The following DCDC2 variants were observed in gnomAD, a reference collection of about 807,000 sequenced individuals.
The protein encoded by DCDC2 is doublecortin domain-containing protein 2.
DCDC2 carries 40 observed loss-of-function variants against 50.2 expected under a neutral mutation model. The ratio of observed to expected loss-of-function variants is 0.80; its 90% confidence interval spans 0.62 to 1.04. The LOEUF (loss-of-function observed/expected upper bound fraction) is 1.04. Ranked by LOEUF, DCDC2 falls within the 50% of genes least tolerant of loss-of-function variation. DCDC2 has a pLI of 0.00. For synonymous variants in DCDC2, 234 were observed against 210.6 expected (o/e 1.11, Z -0.96); for missense variants, 570 against 581.9 (o/e 0.98, Z 0.21).
intron 7 of DCDC2, among the ~76,000 whole-genome samples, chr6:24,216,411 G>A (rs916741256): frequency 1.2e-4 from 18 of 152,128 alleles, no homozygotes; most frequent in South Asian, 2.1e-4. Flanking sequence ...AAAGTGTCCC[G>A]CCATTTGGGG....
At chr6:24,377,442 C>G in the DCDC2 span, among the ~76,000 whole-genome samples, 1 of 152,080 alleles carries the variant, frequency 6.6e-6, no homozygotes, top group East Asian at 1.9e-4. Context: ...ACTATTTAAG[C>G]CTTTTAACTA....
At chr6:24,211,047 T>C (rs1412886298) in intron 7 of DCDC2, among the ~76,000 whole-genome samples, 1 of 152,224 alleles carries the variant, frequency 6.6e-6, no homozygotes, top group African/African-American at 2.4e-5. Context: ...CACTCATTCA[T>C]TCATAGTGCC....
chr6:24,246,758 A>T (rs185633912), intron 7 of DCDC2, among the ~76,000 whole-genome samples: 35 of 152,218 alleles, frequency 2.3e-4, no homozygotes, highest in African/African-American at 7.7e-4. Flanking sequence ...AAGTGCTGGG[A>T]TTACAGGCAT....
intron 7 of DCDC2, among the ~76,000 whole-genome samples, chr6:24,235,066 C>T (rs1259551761): frequency 6.6e-6 from 1 of 152,124 alleles, no homozygotes; most frequent in Non-Finnish European, 1.5e-5. Flanking sequence ...TATGATTTGA[C>T]AGCTGGTCAT....
intron 2 of DCDC2, among the ~76,000 whole-genome samples, chr6:24,303,916 G>A (rs1759425589): frequency 6.6e-6 from 1 of 152,126 alleles, no homozygotes; most frequent in African/African-American, 2.4e-5. Context: ...AAATCAAATA[G>A]TAGCCCTAGA....
At chr6:24,258,688 G>C (rs373985357) in intron 7 of DCDC2, among the ~76,000 whole-genome samples, 2 of 152,098 alleles carry the variant, frequency 1.3e-5, no homozygotes, top group African/African-American at 2.4e-5. Context: ...ATTTAAAATA[G>C]AGCCAAGTAG....
chr6:24,283,218 A>C (rs1348877034), intron 6 of DCDC2, among the ~76,000 whole-genome samples: 1 of 152,214 alleles, frequency 6.6e-6, no homozygotes, highest in Non-Finnish European at 1.5e-5. Context: ...CAGCGAATTT[A>C]AGATAATTTA....
At chr6:24,199,417 G>T (rs920225505) in intron 8 of DCDC2, among the ~76,000 whole-genome samples, 4 of 152,176 alleles carry the variant, frequency 2.6e-5, no homozygotes, top group Non-Finnish European at 5.9e-5. Flanking sequence ...TGCAGCAGAG[G>T]GGCCTGACTG....
At chr6:24,275,992 C>T (rs1430926529) in intron 7 of DCDC2, among the ~76,000 whole-genome samples, 1 of 150,512 alleles carries the variant, frequency 6.6e-6, no homozygotes, top group Non-Finnish European at 1.5e-5. Context: ...ACCTTAGCCT[C>T]TCAAGTAGCT....
intron 8 of DCDC2, among the ~76,000 whole-genome samples, chr6:24,199,987 C>A (rs983520320): frequency 6.6e-6 from 1 of 152,030 alleles, no homozygotes. Context: ...AGGAACAAAG[C>A]CTCCAGAAAA....
At chr6:24,292,413 T>C (rs1763771638) in intron 4 of DCDC2, among the ~76,000 whole-genome samples, 1 of 151,940 alleles carries the variant, frequency 6.6e-6, no homozygotes, top group Non-Finnish European at 1.5e-5. Flanking sequence ...TACAGAACCA[T>C]GAAATACAAT....
intron 8 of DCDC2, among the ~76,000 whole-genome samples, chr6:24,192,946 C>G (rs1761345008): frequency 6.6e-6 from 1 of 151,902 alleles, no homozygotes; most frequent in Admixed American, 6.6e-5. Context: ...TACCAAGACA[C>G]ATAATTGGAA....
At chr6:24,245,136 G>A (rs1762642586) in intron 7 of DCDC2, among the ~76,000 whole-genome samples, 1 of 152,236 alleles carries the variant, frequency 6.6e-6, no homozygotes, top group Non-Finnish European at 1.5e-5. Context: ...AGAGGTTGCA[G>A]TGAGCTGAGA....
At chr6:24,283,498 A>G (rs986432699) in intron 6 of DCDC2, among the ~76,000 whole-genome samples, 1 of 152,176 alleles carries the variant, frequency 6.6e-6, no homozygotes, top group African/African-American at 2.4e-5. Flanking sequence ...CAAAAGAGCA[A>G]TTCCTAGAAA....
rs1473861741 is a variant in DCDC2, at chr6:24,246,153, A to C, written c.922+31896T>G. Among the ~76,000 whole-genome samples, 2 of 152,132 alleles carry C rather than the reference A, an allele frequency of 1.3e-5. 1 individual carries two copies. Among genetic ancestry groups the C allele is most frequent in the Non-Finnish European group, 2.9e-5 (2 of 68,018 alleles). ...GAGGATACATTTAAGAAAATCACCA[A>C]AAGGCAACAGACAAAAGAGATAAAA... On this transcript the variant is annotated intron_variant, in intron 7 of 9. Transcript: ENST00000378454.
chr6:24,297,671 T>C (rs1227885042), intron 4 of DCDC2, among the ~76,000 whole-genome samples: 2 of 152,158 alleles, frequency 1.3e-5, no homozygotes, highest in Admixed American at 6.5e-5. Flanking sequence ...TGGATTTACA[T>C]TTATGTATAT....
intron 7 of DCDC2, among the ~76,000 whole-genome samples, chr6:24,230,727 A>G (rs568069639): frequency 1.3e-5 from 2 of 152,328 alleles, no homozygotes; most frequent in East Asian, 1.9e-4. Context: ...AGACAGAGGG[A>G]ATGCCAGTGC....
At chr6:24,259,051 C>T (rs1254867016) in intron 7 of DCDC2, among the ~76,000 whole-genome samples, 1 of 152,082 alleles carries the variant, frequency 6.6e-6, no homozygotes, top group Non-Finnish European at 1.5e-5. Context: ...ATATTATGAA[C>T]TCCTCTCCTC....
At chr6:24,237,149 C>T (rs1162416987) in intron 7 of DCDC2, among the ~76,000 whole-genome samples, 1 of 151,430 alleles carries the variant, frequency 6.6e-6, no homozygotes, top group Non-Finnish European at 1.5e-5. Flanking sequence ...AATGAGATAA[C>T]TGTCTCACTC....
Sources: allele counts gnomAD v4.1 joint callset (sites outside exome capture counted in the v4.1 genomes callset), GRCh38; gene constraint gnomAD v4.1.1; transcripts MANE v1.5; gene names NCBI Gene and HGNC (gene_info 2026-07-23, HGNC 2026-07-21).